Variants in NCKAP1L observed in about 807,000 individuals in gnomAD.
NCKAP1L encodes the protein NCK associated protein 1 like.
Under a neutral mutation model 139.2 loss-of-function variants are expected in NCKAP1L, and 53 were observed. The observed-to-expected ratio is 0.38, with a 90% CI of 0.31 to 0.48. NCKAP1L has a LOEUF of 0.48. Among genes scored for constraint, NCKAP1L ranks in the 20% least tolerant of loss-of-function variants. NCKAP1L has a pLI of 0.98. For missense variants in NCKAP1L, 1,151 were observed against 1,381.9 expected, an observed-to-expected ratio of 0.83 and a Z score of 2.65; for synonymous variants, 468 against 499.7, an observed-to-expected ratio of 0.94 and a Z score of 0.85.
chr12:54,539,732 G>A (rs1001427128), intron 30 of NCKAP1L, among the ~76,000 whole-genome samples: 5 of 152,142 alleles, frequency 3.3e-5, no homozygotes, highest in African/African-American at 4.8e-5. Context: ...CTAGTAGAGT[G>A]TTCTGGGGCC....
chr12:54,547,445 G>A lies in NCKAP1L; in HGVS notation c.*4760G>A, dbSNP rs1289366996. 1 of 151,902 alleles carries A rather than the reference G, an allele frequency of 6.6e-6. No homozygotes were observed. Among genetic ancestry groups the A allele is most frequent in the Non-Finnish European group, 1.5e-5 (1 of 68,008 alleles). 9.4% of individuals were successfully genotyped at this position (151,902 alleles called of 1,614,324 possible). A position where few individuals can be genotyped will look rare whatever the true frequency, so the allele number is the denominator to read the frequency against. ...GAAGTTTTCCCATTTATTAAATGAA[G>A]GGAATTAGAGTGGATGAACTCTAAT... On this transcript the variant is annotated 3_prime_UTR_variant, in exon 31 of 31. Transcript: ENST00000293373.
In NCKAP1L at chr12:54,512,048, G is replaced by T; in HGVS notation, c.884G>T (p.Arg295Leu). The change falls in exon 9 of 31, where the codon CGT (arginine) becomes CTT (leucine). Residue 295 changes from arginine to leucine, a missense_variant. Arg to Leu is a moderately radical substitution (Grantham distance 102). Coordinates refer to ENST00000293373, the MANE Select transcript of NCKAP1L (RefSeq NM_005337.5). ...GGCTCCCTCTACATCACCCTTATCCGTGAGGATGTGCTGCAGGTGCACAAA... is the reference window on the plus strand; with the variant it reads ...GGCTCCCTCTACATCACCCTTATCCTTGAGGATGTGCTGCAGGTGCACAAA... ...LQGSLYITLIREDVLQVHKVT... is the reference protein window; with the variant it reads ...LQGSLYITLILEDVLQVHKVT... The T allele has an allele frequency of 6.2e-7, 1 of 1,614,170 alleles. No homozygotes were observed. The highest frequency in any genetic ancestry group is 8.5e-7 in the Non-Finnish European group (1 of 1,180,016).
At position 54,542,741 on chromosome 12, in the gene NCKAP1L, G is replaced by A. The variant is rs1957168424; in HGVS notation, c.*56G>A. ...TGGACCTTCCTAAACCCTTGCCATAGTGGAAGCTGTGGTCACTTTCGCAGG... is the reference window on the plus strand; with the variant it reads ...TGGACCTTCCTAAACCCTTGCCATAATGGAAGCTGTGGTCACTTTCGCAGG... On this transcript the variant is annotated 3_prime_UTR_variant, in exon 31 of 31. Coordinates refer to ENST00000293373, the MANE Select transcript of NCKAP1L (RefSeq NM_005337.5). The A allele has an allele frequency of 8.6e-7, 1 of 1,160,342 alleles. No homozygotes were observed. Among genetic ancestry groups the A allele is most frequent in the African/African-American group, 1.5e-5 (1 of 65,764 alleles). 71.9% of individuals were successfully genotyped at this position (1,160,342 alleles called of 1,614,324 possible).
intron 30 of NCKAP1L, among the ~76,000 whole-genome samples, chr12:54,541,899 A>G (rs1174184902): frequency 6.6e-6 from 1 of 152,048 alleles, no homozygotes. Context: ...CCGCTAGGCT[A>G]TGCTGCTCTT....
At chr12:54,513,146 G>T (rs991224724) in intron 9 of NCKAP1L, among the ~76,000 whole-genome samples, 1 of 152,202 alleles carries the variant, frequency 6.6e-6, no homozygotes, top group Non-Finnish European at 1.5e-5. Flanking sequence ...TGGAAGAAAA[G>T]AAATTAGATG....
chr12:54,527,696 A>G (rs1249958020), intron 21 of NCKAP1L, among the ~76,000 whole-genome samples: 1 of 152,174 alleles, frequency 6.6e-6, no homozygotes, highest in African/African-American at 2.4e-5. Flanking sequence ...GATGTCTATT[A>G]GATACAGACC....
Position 54,536,207 on chromosome 12 carries a change from C to T in NCKAP1L, c.3035C>T (p.Ala1012Val), listed in dbSNP as rs1190786130. The change falls in exon 28 of 31, where the codon GCC (alanine) becomes GTC (valine). Residue 1012 changes from alanine to valine, a missense_variant. By Grantham distance (64) the Ala-to-Val change is moderately conservative. Coordinates refer to ENST00000293373, the MANE Select transcript of NCKAP1L (RefSeq NM_005337.5). ...CTGGCAGTTTCCCTCCCACTCCTTG[C>T]CACTGACCCTTCTTCCTTTTATAGC... ...IFLAVSLPLL[A>V]TDPSSFYSIE... 1 of 1,613,104 alleles carries T rather than the reference C, an allele frequency of 6.2e-7. No homozygotes were observed.
At chr12:54,527,194 G>A (rs1234707890) in intron 21 of NCKAP1L, among the ~76,000 whole-genome samples, 1 of 152,194 alleles carries the variant, frequency 6.6e-6, no homozygotes, top group Non-Finnish European at 1.5e-5. Context: ...AGAGAAGGGA[G>A]CCTCCTCCCT....
chr12:54,503,423 G>A (rs1440052905), intron 3 of NCKAP1L, among the ~76,000 whole-genome samples: 2 of 151,828 alleles, frequency 1.3e-5, no homozygotes, highest in Non-Finnish European at 2.9e-5. Flanking sequence ...AAACAGAATT[G>A]TTTCATGGGG....
Position 54,523,450 on chromosome 12 carries a change from G to C in NCKAP1L, c.1935G>C (p.Arg645Ser). ...GCAAAGCCAAGAACAAGAAAACCAG[G>C]AAGCAGAGGCAGACTCCCAGAAAAG... ...TISKAKNKKT[R>S]KQRQTPRKGE... The change falls in exon 19 of 31, where the codon AGG (arginine) becomes AGC (serine). Residue 645 changes from arginine (R) to serine (S), a missense_variant. Physicochemically the swap from Arg to Ser is moderately radical, Grantham distance 110. Transcript: ENST00000293373. 6.2e-7 allele frequency: 1 copy of C among 1,614,158 alleles called. No individual in the cohort carries two copies. The highest frequency in any genetic ancestry group is 8.5e-7 in the Non-Finnish European group (1 of 1,180,028).
At chr12:54,514,003 T>C (rs953753587) in intron 9 of NCKAP1L, among the ~76,000 whole-genome samples, 4 of 150,614 alleles carry the variant, frequency 2.7e-5, no homozygotes, top group Non-Finnish European at 4.4e-5. Flanking sequence ...TGTGTGTGTA[T>C]AAACACATAA....
intron 30 of NCKAP1L, among the ~76,000 whole-genome samples, chr12:54,540,105 C>T (rs1957145314): frequency 6.6e-6 from 1 of 152,160 alleles, no homozygotes; most frequent in South Asian, 2.1e-4. Context: ...TTCCATAAGA[C>T]TACAAATGTA....
intron 7 of NCKAP1L, 66 bp downstream of exon 7, chr12:54,510,051 G>A: frequency 6.3e-7 from 1 of 1,579,070 alleles, no homozygotes; most frequent in Non-Finnish European, 8.6e-7. Context: ...CTCTGTAGAG[G>A]GTGCTTCTTT....
At position 54,506,796 on chromosome 12, in the gene NCKAP1L, A is replaced by AAAAAAAAATATAT; in HGVS notation, c.307-1056_307-1055insAAAAAAATATATA. 4.8e-3 allele frequency among the ~76,000 whole-genome samples: 244 copies of AAAAAAAAATATAT among 50,588 alleles called. 6 individuals carry two copies. The highest frequency in any genetic ancestry group is 5.9e-3 in the Non-Finnish European group (194 of 33,010). The allele number at this position is 50,588 out of a possible 152,430, so 33.2% of individuals were successfully genotyped here. ...TTTTGGCAACATATTAAAAAAAAAAAATATATATATATATATATATATATA... is the reference window on the plus strand; with the variant it reads ...TTTTGGCAACATATTAAAAAAAAAAAAAAAAAAATATATATATATATATATATATATATATATA... On this transcript the variant is annotated intron_variant, in intron 3 of 30. Transcript: ENST00000293373.
intron 3 of NCKAP1L, among the ~76,000 whole-genome samples, chr12:54,505,762 A>T (rs1390745792): frequency 1.3e-5 from 2 of 151,652 alleles, no homozygotes; most frequent in African/African-American, 4.9e-5. Flanking sequence ...TCCTGGGTTG[A>T]AGGGAGTCCC....
chr12:54,531,238 G>A, intron 22 of NCKAP1L, 22 bp from the exon 23 acceptor site: 2 of 1,591,742 alleles, frequency 1.3e-6, no homozygotes, highest in Non-Finnish European at 1.7e-6. Context: ...TCCCATCTGG[G>A]GCCTCTGTAA....
intron 29 of NCKAP1L, among the ~76,000 whole-genome samples, chr12:54,537,422 G>A (rs982403374): frequency 5.3e-5 from 8 of 152,102 alleles, no homozygotes; most frequent in Non-Finnish European, 1.0e-4. Flanking sequence ...AGATTAAACC[G>A]AATCCATGAA....
chr12:54,545,612 T>C lies in NCKAP1L; in HGVS notation c.*2927T>C, dbSNP rs1004277355. The C allele has an allele frequency of 6.6e-6, 1 of 152,218 alleles. No homozygotes were observed. Among genetic ancestry groups the C allele is most frequent in the Admixed American group, 6.5e-5 (1 of 15,290 alleles). 9.4% of individuals were successfully genotyped at this position (152,218 alleles called of 1,614,324 possible). ...CTTTACCAGGAGGGTCTCTGTCCTC[T>C]TACAACCTGGGAAAAAATAAGTTGT... On this transcript the variant is annotated 3_prime_UTR_variant, in exon 31 of 31. Transcript: ENST00000293373.
chr12:54,518,414 C>CT (rs752287691), intron 13 of NCKAP1L, among the ~76,000 whole-genome samples: 3 of 152,030 alleles, frequency 2.0e-5, no homozygotes, highest in Non-Finnish European at 4.4e-5. Context: ...TCTCAGCCGT[C>CT]TTTTTTTCCC....
Sources: gnomAD v4.1 joint callset for allele counts (sites outside exome capture counted in the v4.1 genomes callset) on GRCh38, gnomAD v4.1.1 for gene constraint, MANE v1.5 for transcripts, NCBI Gene and HGNC (gene_info 2026-07-23, HGNC 2026-07-21) for gene names.